Variants in FRMD4A observed in about 807,000 individuals in gnomAD.
FRMD4A encodes the protein FERM domain containing 4A.
In FRMD4A, 29 loss-of-function variants were observed where a neutral mutation model predicts 129.1. That is an observed-to-expected ratio of 0.22 (90% confidence interval 0.17 to 0.31). FRMD4A has a LOEUF of 0.31. FRMD4A is among the 10% of genes least tolerant of loss of function. The probability of loss-of-function intolerance (pLI) is 1.00; values close to 1 mark genes in which losing one functional copy is unlikely to be tolerated. For synonymous variants in FRMD4A, 634 were observed against 571.6 expected, an observed-to-expected ratio of 1.11 and a Z score of -1.56; for missense variants, 1,272 against 1,375.8, an observed-to-expected ratio of 0.92 and a Z score of 1.19.
intron 3 of FRMD4A, among the ~76,000 whole-genome samples, chr10:13,853,811 G>A (rs1406802496): frequency 2.4e-5 from 3 of 122,830 alleles, no homozygotes; most frequent in East Asian, 5.3e-4. Context: ...TAGCCTGGGC[G>A]ATAGAGCAAG....
At chr10:14,244,800 A>T (rs1483308041) in intron 2 of FRMD4A, among the ~76,000 whole-genome samples, 1 of 152,122 alleles carries the variant, frequency 6.6e-6, no homozygotes, top group East Asian at 1.9e-4. Flanking sequence ...TGACTCCAAA[A>T]CCTGTGCTCT....
At chr10:13,805,918 C>T (rs555232321) in intron 4 of FRMD4A, among the ~76,000 whole-genome samples, 17 of 151,858 alleles carry the variant, frequency 1.1e-4, no homozygotes, top group South Asian at 2.1e-4. Context: ...GAGTGCGTGG[C>T]GTGATCTTGG....
intron 2 of FRMD4A, among the ~76,000 whole-genome samples, chr10:14,046,658 A>C (rs1006624877): frequency 3.9e-5 from 6 of 152,178 alleles, no homozygotes; most frequent in African/African-American, 1.4e-4. Context: ...CTTAATAGAG[A>C]AAATCATTTC....
chr10:14,277,337 A>G (rs1845376858), intron 2 of FRMD4A, among the ~76,000 whole-genome samples: 1 of 152,208 alleles, frequency 6.6e-6, no homozygotes, highest in African/African-American at 2.4e-5. Flanking sequence ...AGGTGATGGT[A>G]TTAGGAAGGG....
intron 3 of FRMD4A, among the ~76,000 whole-genome samples, chr10:13,853,067 G>A (rs1287343726): frequency 6.6e-6 from 1 of 152,126 alleles, no homozygotes; most frequent in Non-Finnish European, 1.5e-5. Flanking sequence ...TCTTGCCAAT[G>A]GCCACTAAGG....
chr10:14,106,862 A>G (rs569459432), intron 2 of FRMD4A, among the ~76,000 whole-genome samples: 2 of 106,628 alleles, frequency 1.9e-5, no homozygotes, highest in Non-Finnish European at 4.1e-5. Flanking sequence ...TAGTGGATAT[A>G]TACCCAAAAT....
chr10:13,687,741 A>T (rs1275587777), intron 15 of FRMD4A, among the ~76,000 whole-genome samples: 1 of 152,176 alleles, frequency 6.6e-6, no homozygotes, highest in African/African-American at 2.4e-5. Context: ...GGCAGAGTGA[A>T]TCCAATGCAC....
In FRMD4A at chr10:14,316,493, A is replaced by G. The variant is rs1176442894; in HGVS notation, c.45+13565T>C. On this transcript the variant is annotated intron_variant, in intron 2 of 24. Coordinates refer to ENST00000357447, the MANE Select transcript of FRMD4A (RefSeq NM_018027.5). ...CATTATAAATTTCCCAGTCTCTAGT[A>G]TTTTGTGATAGCAGCAAAAAAAAAA... is the stretch of plus-strand genomic sequence containing the variant. Among the ~76,000 whole-genome samples, 4 of 114,346 alleles carry G rather than the reference A, an allele frequency of 3.5e-5. No homozygotes were observed. In the East Asian group the frequency reaches 1.1e-3, roughly 30 times the overall value. 75.0% of individuals were successfully genotyped at this position (114,346 alleles called of 152,430 possible).
At chr10:13,870,196 C>T (rs1398503130) in intron 2 of FRMD4A, among the ~76,000 whole-genome samples, 1 of 152,218 alleles carries the variant, frequency 6.6e-6, no homozygotes, top group Non-Finnish European at 1.5e-5. Context: ...GGCCTGAAGG[C>T]CCCAGAGGCC....
chr10:14,078,864 C>T (rs892981326), intron 2 of FRMD4A, among the ~76,000 whole-genome samples: 5 of 152,180 alleles, frequency 3.3e-5, no homozygotes, highest in Admixed American at 2.6e-4. Context: ...GGTACATCTG[C>T]CTTAGTGTCT....
chr10:13,740,520 T>C lies in FRMD4A; in HGVS notation c.606A>G (p.Ala202=). Residue 202 remains alanine (A), a synonymous_variant, in exon 10 of 25, where the codon GCA becomes GCG. Coordinates refer to ENST00000357447, the MANE Select transcript of FRMD4A (RefSeq NM_018027.5). ...KKLNGQTRGQ[A]IVNYMSIVES... ...GGGAAGGGGCCACTTACTTTACGATTGCTTGACCTCTTGTCTGACCGTTCA... is the reference window on the plus strand; with the variant it reads ...GGGAAGGGGCCACTTACTTTACGATCGCTTGACCTCTTGTCTGACCGTTCA... The C allele has an allele frequency of 6.3e-7, 1 of 1,578,354 alleles. No homozygotes were observed. Among genetic ancestry groups the C allele is most frequent in the Non-Finnish European group, 8.7e-7 (1 of 1,149,314 alleles).
At chr10:13,988,780 A>G (rs184121993) in intron 2 of FRMD4A, among the ~76,000 whole-genome samples, 275 of 151,922 alleles carry the variant, frequency 1.8e-3, no homozygotes, top group African/African-American at 6.4e-3. Flanking sequence ...CCATCCGTCT[A>G]TCTATCTATC....
intron 2 of FRMD4A, among the ~76,000 whole-genome samples, chr10:14,022,865 A>G (rs532427896): frequency 2.0e-5 from 3 of 152,218 alleles, no homozygotes; most frequent in Non-Finnish European, 4.4e-5. Flanking sequence ...CGGGTAGGGG[A>G]AGTTAAGGAG....
At chr10:14,040,777 A>G (rs1384264987) in intron 2 of FRMD4A, among the ~76,000 whole-genome samples, 1 of 152,224 alleles carries the variant, frequency 6.6e-6, no homozygotes, top group African/African-American at 2.4e-5. Context: ...CTCCAGAGGA[A>G]ATAAGACGGA....
rs561650191 is a variant in FRMD4A, at chr10:14,264,143, C to T, written c.45+65915G>A. On this transcript the variant is annotated intron_variant, in intron 2 of 24. Transcript: ENST00000357447. ...TTACCTCATTAATCCACTCTGCCCT[C>T]CTATGAAGCTGGTAATTATCATTAT... Among the ~76,000 whole-genome samples, 188 of 152,300 alleles carry T rather than the reference C, an allele frequency of 1.2e-3. 2 individuals are homozygous for T. Among genetic ancestry groups the T allele is most frequent in the African/African-American group, 4.3e-3 (178 of 41,550 alleles).
At chr10:13,812,340 T>C (rs1300001428) in intron 3 of FRMD4A, among the ~76,000 whole-genome samples, 1 of 152,146 alleles carries the variant, frequency 6.6e-6, no homozygotes, top group Non-Finnish European at 1.5e-5. Flanking sequence ...GCCCCCAAGA[T>C]GGGATTCGTG....
chr10:14,214,302 A>G (rs552198077), intron 2 of FRMD4A, among the ~76,000 whole-genome samples: 36 of 152,208 alleles, frequency 2.4e-4, no homozygotes, highest in Non-Finnish European at 4.9e-4. Flanking sequence ...AGATCTTCAA[A>G]CCCCAACCCA....
At position 14,185,675 on chromosome 10, in the gene FRMD4A, G is replaced by T. The variant is rs181386238; in HGVS notation, c.45+144383C>A. ...CGGTTGTTAGCTGTGCAGATGAGCAGAAGAGAGGATAGCAGCAGCTCAACA... is the reference window on the plus strand; with the variant it reads ...CGGTTGTTAGCTGTGCAGATGAGCATAAGAGAGGATAGCAGCAGCTCAACA... On this transcript the variant is annotated intron_variant, in intron 2 of 24. Transcript: ENST00000357447. 4.6e-5 allele frequency among the ~76,000 whole-genome samples: 7 copies of T among 152,318 alleles called. No individual in the cohort carries two copies. The South Asian group carries it at 1.5e-3, about 32-fold the overall frequency.
At chr10:13,927,306 G>T (rs1430626090) in intron 2 of FRMD4A, among the ~76,000 whole-genome samples, 2 of 151,938 alleles carry the variant, frequency 1.3e-5, no homozygotes, top group African/African-American at 4.8e-5. Context: ...GTCATCATTT[G>T]CTCCCCTAAC....
Sources: allele counts gnomAD v4.1 joint callset (sites outside exome capture counted in the v4.1 genomes callset), GRCh38; gene constraint gnomAD v4.1.1; transcripts MANE v1.5; gene names NCBI Gene and HGNC (gene_info 2026-07-23, HGNC 2026-07-21).